Variants in WDR88 observed in about 807,000 individuals in gnomAD.
WDR88 encodes the protein WD repeat domain 88.
Under a neutral mutation model 46.8 loss-of-function variants are expected in WDR88, and 40 were observed. The observed-to-expected ratio is 0.86, with a 90% CI of 0.66 to 1.11. The LOEUF is 1.11. Ranked by LOEUF, WDR88 falls within the 50% of genes most tolerant of loss-of-function variation. WDR88 has a pLI of 0.00. For synonymous variants in WDR88, 235 were observed against 240.7 expected, an observed-to-expected ratio of 0.98 and a Z score of 0.22; for missense variants, 562 against 602.4, an observed-to-expected ratio of 0.93 and a Z score of 0.70.
chr19:33,149,057 G>A (rs552263098), intron 5 of WDR88, 147 bp downstream of exon 5: 152 of 1,329,476 alleles, frequency 1.1e-4, no homozygotes, highest in African/African-American at 5.0e-4. Flanking sequence ...GGCTAGGTGC[G>A]GTGGCTGGGA....
At chr19:33,160,368 C>T in intron 7 of WDR88, 46 bp from the exon 8 acceptor site, 1 of 1,604,348 alleles carries the variant, frequency 6.2e-7, no homozygotes, top group Non-Finnish European at 8.5e-7. Context: ...GCTCACTTGG[C>T]TTGGAAAGTT....
chr19:33,169,355 A>G (rs916534198), intron 9 of WDR88, among the ~76,000 whole-genome samples: 1 of 152,206 alleles, frequency 6.6e-6, no homozygotes, highest in Admixed American at 6.6e-5. Context: ...ATAAGGGATT[A>G]ATATGCAGAA....
chr19:33,157,203 GAAAAA>G (rs1326693904), intron 7 of WDR88, among the ~76,000 whole-genome samples: 1 of 125,568 alleles, frequency 8.0e-6, no homozygotes, highest in African/African-American at 2.9e-5. Context: ...TGTCTAAAAA[GAAAAA>G]AAAAAAGGCC....
At chr19:33,133,899 C>T (rs1002999676) in intron 1 of WDR88, among the ~76,000 whole-genome samples, 23 of 152,362 alleles carry the variant, frequency 1.5e-4, no homozygotes, top group Admixed American at 1.4e-3. Flanking sequence ...CATGGTCTGA[C>T]ATCCCCGTTC....
chr19:33,175,248 A>AAAACAAAAACAAAC (rs1555728072), intron 10 of WDR88, 148 bp from the exon 11 acceptor site: 19 of 949,970 alleles, frequency 2.0e-5, no homozygotes, highest in South Asian at 1.4e-4. Context: ...AACAAAAACA[A>AAAACAAAAACAAAC]AAACAAACAA....
chr19:33,149,467 T>C (rs1189685240), intron 5 of WDR88, among the ~76,000 whole-genome samples: 1 of 152,196 alleles, frequency 6.6e-6, no homozygotes, highest in Non-Finnish European at 1.5e-5. Flanking sequence ...CATGTGGTCA[T>C]TGACAGCCTA....
intron 2 of WDR88, among the ~76,000 whole-genome samples, chr19:33,144,614 G>A (rs1252513638): frequency 6.6e-6 from 1 of 152,188 alleles, no homozygotes; most frequent in Non-Finnish European, 1.5e-5. Context: ...CTGGAATTGC[G>A]GGGTAATTTC....
chr19:33,144,757 G>A, intron 2 of WDR88, 87 bp from the exon 3 acceptor site: 2 of 1,231,604 alleles, frequency 1.6e-6, no homozygotes, highest in Non-Finnish European at 2.3e-6. Flanking sequence ...CCAGAGATAA[G>A]CTAAGGGCTA....
intron 2 of WDR88, among the ~76,000 whole-genome samples, chr19:33,141,741 C>T (rs568283515): frequency 3.3e-4 from 50 of 152,100 alleles, no homozygotes; most frequent in African/African-American, 9.4e-4. Flanking sequence ...AGTGCAGTGG[C>T]GTGGTCTCGG....
At chr19:33,143,291 C>T (rs1160052000) in intron 2 of WDR88, among the ~76,000 whole-genome samples, 1 of 138,124 alleles carries the variant, frequency 7.2e-6, no homozygotes, top group East Asian at 2.2e-4. Flanking sequence ...GCCATAATTG[C>T]ACCACTGCAC....
chr19:33,133,402 G>A (rs1280505494), intron 1 of WDR88, among the ~76,000 whole-genome samples: 1 of 151,928 alleles, frequency 6.6e-6, no homozygotes, highest in Admixed American at 6.6e-5. Flanking sequence ...GCAAAAATTA[G>A]CCAGGCATGG....
intron 7 of WDR88, 86 bp from the exon 8 acceptor site, chr19:33,160,327 GC>G (rs1973843880): frequency 7.5e-6 from 10 of 1,334,468 alleles, no homozygotes; most frequent in Middle Eastern, 1.8e-4. Flanking sequence ...ATGAGGTGGT[GC>G]CTCGCCAAGG....
intron 7 of WDR88, 97 bp from the exon 8 acceptor site, chr19:33,160,317 A>C (rs1973843584): frequency 4.2e-6 from 5 of 1,187,408 alleles, no homozygotes; most frequent in East Asian, 2.3e-5. Flanking sequence ...TCAGAGTGAG[A>C]TGAGGTGGTG....
chr19:33,134,852 G>A (rs973177660), intron 1 of WDR88, among the ~76,000 whole-genome samples: 3 of 27,118 alleles, frequency 1.1e-4, no homozygotes, highest in African/African-American at 3.4e-4. Flanking sequence ...CCCCCCCCCC[G>A]CCCCGCATCA....
intron 10 of WDR88, chr19:33,174,262 A>C (rs1974088132): frequency 6.5e-7 from 1 of 1,535,528 alleles, no homozygotes; most frequent in African/African-American, 1.4e-5. Flanking sequence ...CAACATGAGA[A>C]GCCTGAGGCC....
At chr19:33,133,311 G>A (rs1359917314) in intron 1 of WDR88, among the ~76,000 whole-genome samples, 2 of 152,116 alleles carry the variant, frequency 1.3e-5, no homozygotes, top group South Asian at 4.1e-4. Flanking sequence ...ACTTTGGGAA[G>A]CCGAGATGAG....
At chr19:33,138,752 C>T (rs766477825) in intron 2 of WDR88, among the ~76,000 whole-genome samples, 2 of 147,568 alleles carry the variant, frequency 1.4e-5, no homozygotes, top group Non-Finnish European at 3.0e-5. Context: ...GCCACGATCT[C>T]GGCTCACTAC....
At chr19:33,145,851 A>G (rs1973501586) in intron 3 of WDR88, among the ~76,000 whole-genome samples, 1 of 152,222 alleles carries the variant, frequency 6.6e-6, no homozygotes, top group African/African-American at 2.4e-5. Flanking sequence ...TATCTTATAT[A>G]GAGGACAAAC....
At chr19:33,172,479 G>C (rs549083762) in intron 10 of WDR88, 39 bp downstream of exon 10, 5 of 1,492,904 alleles carry the variant, frequency 3.3e-6, no homozygotes, top group Non-Finnish European at 4.6e-6. Context: ...GAAGGCTTTC[G>C]TTAGTTCCCT....
Sources: gnomAD v4.1 joint callset for allele counts (sites outside exome capture counted in the v4.1 genomes callset) on GRCh38, gnomAD v4.1.1 for gene constraint, MANE v1.5 for transcripts, NCBI Gene and HGNC (gene_info 2026-07-23, HGNC 2026-07-21) for gene names.